Variants in RECQL observed in about 807,000 individuals in gnomAD.
RECQL encodes the protein RecQ like helicase, also known as ATP-dependent DNA helicase Q1.
RECQL carries 73 observed loss-of-function variants against 75.8 expected under a neutral mutation model. The observed-to-expected ratio is 0.96, with a 90% confidence interval of 0.80 to 1.17. The LOEUF is 1.17. Ranked by LOEUF, RECQL falls within the 50% of genes most tolerant of loss-of-function variation. RECQL has a pLI of 0.00. For synonymous variants in RECQL, 248 were observed against 254.4 expected, an observed-to-expected ratio of 0.97 and a Z score of 0.24; for missense variants, 699 against 772.1, an observed-to-expected ratio of 0.91 and a Z score of 1.12.
intron 2 of RECQL, among the ~76,000 whole-genome samples, chr12:21,493,240 T>C (rs1326918922): frequency 6.6e-6 from 1 of 152,198 alleles, no homozygotes; most frequent in African/African-American, 2.4e-5. Context: ...AAAGGGAACA[T>C]AACTATTCTA....
chr12:21,499,521 G>C, intron 2 of RECQL, 34 bp downstream of exon 2: 3 of 1,536,386 alleles, frequency 2.0e-6, no homozygotes, highest in Non-Finnish European at 2.6e-6. Flanking sequence ...AAATAGAACA[G>C]AAGGAAGAAG....
intron 1 of RECQL, among the ~76,000 whole-genome samples, chr12:21,499,945 A>G (rs1242722879): frequency 6.6e-6 from 1 of 152,230 alleles, no homozygotes; most frequent in African/African-American, 2.4e-5. Flanking sequence ...TGATGTAACA[A>G]AAAACAGCAA....
At position 21,474,846 on chromosome 12, in the gene RECQL, T is replaced by C; in HGVS notation, c.1350A>G (p.Ile450Met). The change falls in exon 11 of 15, where the codon ATA becomes ATG. Residue 450 changes from isoleucine to methionine, a missense_variant. This residue lies in a region of RECQL where 669 missense variants were observed against 713.5 expected (regional missense o/e 0.94). Transcript: ENST00000444129. ...LYEMVSYCQN[I>M]SKCRRVLMAQ... is the part of the protein sequence containing the mutation. ...TAAAAAGGTATGTGGCTTACTTGCT[T>C]ATGTTTTGACAGTATGATACCATCT... 6.2e-7 allele frequency: 1 copy of C among 1,612,426 alleles called. No homozygotes were observed. Among genetic ancestry groups the C allele is most frequent in the Non-Finnish European group, 8.5e-7 (1 of 1,178,780 alleles).
chr12:21,471,262 C>CT (rs959464763), intron 13 of RECQL, 164 bp from the exon 14 acceptor site: 26 of 989,504 alleles, frequency 2.6e-5, no homozygotes, highest in Non-Finnish European at 3.0e-5. Context: ...ATTTTCGTTA[C>CT]TTTTTTTTAT....
At position 21,478,032 on chromosome 12, in the gene RECQL, T is replaced by C. The variant is rs1356411001; in HGVS notation, c.701-63A>G. 6.8e-6 allele frequency: 10 copies of C among 1,472,128 alleles called. No homozygotes were observed. The East Asian group carries it at 1.8e-4, about 27-fold the overall frequency. The allele number at this position is 1,472,128 out of a possible 1,614,324, so 91.2% of individuals were successfully genotyped here. ...TAAGAGTTAGAGTAAATTATATCTT[T>C]TAACATTATGCAGATAATCGATGAC... is the stretch of plus-strand genomic sequence containing the variant. On this transcript the variant is annotated intron_variant, in intron 6 of 14. Transcript: ENST00000444129.
chr12:21,487,769 A>G (rs1415575322), intron 4 of RECQL, among the ~76,000 whole-genome samples: 1 of 152,112 alleles, frequency 6.6e-6, no homozygotes, highest in Non-Finnish European at 1.5e-5. Context: ...AGTGGGATTA[A>G]TGCCATTTTA....
chr12:21,471,400 A>G (rs1206592105), intron 13 of RECQL, 28 bp downstream of exon 13: 10 of 1,574,324 alleles, frequency 6.4e-6, no homozygotes, highest in Non-Finnish European at 8.7e-6. Flanking sequence ...AGACAACCTG[A>G]AAGAATAATG....
At chr12:21,500,998 G>A (rs1943601664) in intron 1 of RECQL, among the ~76,000 whole-genome samples, 172 bp downstream of exon 1, 1 of 152,170 alleles carries the variant, frequency 6.6e-6, no homozygotes, top group Non-Finnish European at 1.5e-5. Flanking sequence ...GAATGTTACA[G>A]GGTGACAGCC....
At chr12:21,496,564 G>A (rs923214951) in intron 2 of RECQL, among the ~76,000 whole-genome samples, 1 of 152,130 alleles carries the variant, frequency 6.6e-6, no homozygotes, top group Non-Finnish European at 1.5e-5. Context: ...CTGACCTGCT[G>A]AGCAAGAAGC....
At chr12:21,477,686 T>C in intron 7 of RECQL, 117 bp downstream of exon 7, 1 of 708,642 alleles carries the variant, frequency 1.4e-6, no homozygotes, top group Non-Finnish European at 2.2e-6. Context: ...AATTACCTCC[T>C]AATGTTAAAA....
At chr12:21,495,963 G>A (rs1943500049) in intron 2 of RECQL, among the ~76,000 whole-genome samples, 1 of 152,120 alleles carries the variant, frequency 6.6e-6, no homozygotes, top group African/African-American at 2.4e-5. Flanking sequence ...TTCAGCAAGT[G>A]GCAGAATCCA....
chr12:21,485,886 G>A (rs879592754), intron 5 of RECQL, among the ~76,000 whole-genome samples: 1 of 152,052 alleles, frequency 6.6e-6, no homozygotes, highest in Non-Finnish European at 1.5e-5. Flanking sequence ...GAATAGCTGG[G>A]AAATGCTTTA....
rs1942867718 is a variant in RECQL, at chr12:21,469,298, A to T, written c.*896T>A. 2 of 154,154 alleles carry T rather than the reference A, an allele frequency of 1.3e-5. No individual in the cohort carries two copies. Among genetic ancestry groups the T allele is most frequent in the South Asian group, 4.1e-4 (2 of 4,934 alleles). The allele number at this position is 154,154 out of a possible 1,614,324, so 9.5% of individuals were successfully genotyped here. On this transcript the variant is annotated 3_prime_UTR_variant, in exon 15 of 15. Coordinates refer to ENST00000444129, the MANE Select transcript of RECQL (RefSeq NM_002907.4). The stretch of plus-strand genomic sequence containing the variant: ...TGTCCAACTCTAGCCCACGGGTCTA[A>T]TGCAGCCCAGAACAGCTTTGAATGC...
At position 21,496,429 on chromosome 12, in the gene RECQL, C is replaced by G. The variant is rs576347057; in HGVS notation, c.16+3126G>C. On this transcript the variant is annotated intron_variant, in intron 2 of 14. Coordinates refer to ENST00000444129, the MANE Select transcript of RECQL (RefSeq NM_002907.4). ...GCAGTTTGCTGAGCCAGCAATGTAT[C>G]TTTATTCTCCCACCTCAGAGCTATA... Among the ~76,000 whole-genome samples the G allele has an allele frequency of 5.6e-4, 85 of 152,340 alleles. 1 individual carries two copies. Among genetic ancestry groups the G allele is most frequent in the Non-Finnish European group, 1.1e-3 (74 of 68,028 alleles).
intron 2 of RECQL, among the ~76,000 whole-genome samples, chr12:21,495,458 T>C (rs564822615): frequency 2.0e-5 from 3 of 151,832 alleles, no homozygotes; most frequent in East Asian, 3.9e-4. Context: ...TAGCCAGGCG[T>C]GGTGGCGGGC....
rs1065751 is a variant in RECQL at position 21,490,289 on chromosome 12, C to T, written c.304G>A (p.Val102Ile). The T allele has an allele frequency of 7.4e-3, 11,941 of 1,612,448 alleles. 695 individuals are homozygous for T. In the African/African-American group the frequency reaches 0.14, roughly 18 times the overall value. The part of the protein sequence containing the change: ...FRPLQLETIN[V>I]TMAGKEVFLV... ...AATACCTCCTTTCCAGCCATTGTTA[C>T]GTTAATAGTTTCAAGCTGAAGTGGT... Residue 102 changes from valine (V) to isoleucine (I), a missense_variant, in exon 4 of 15, where the codon GTA becomes ATA. Physicochemically the swap from Val to Ile is conservative, Grantham distance 29. Around this residue, in one of 2 missense-constraint regions of RECQL, gnomAD observed 669 missense variants for 713.5 expected, o/e 0.94. Coordinates refer to ENST00000444129, the MANE Select transcript of RECQL (RefSeq NM_002907.4).
chr12:21,471,838 C>T (rs185985255), intron 12 of RECQL, among the ~76,000 whole-genome samples, 191 bp from the exon 13 acceptor site: 1 of 152,034 alleles, frequency 6.6e-6, no homozygotes, highest in Non-Finnish European at 1.5e-5. Flanking sequence ...AAGTTATGGT[C>T]TCTGTAAGCA....
chr12:21,482,689 C>A (rs2137370535), intron 6 of RECQL, among the ~76,000 whole-genome samples: 1 of 152,216 alleles, frequency 6.6e-6, no homozygotes, highest in South Asian at 2.1e-4. Context: ...TATGTAGGGA[C>A]AGGAGCCTGG....
intron 13 of RECQL, 69 bp downstream of exon 13, chr12:21,471,359 T>C (rs2137314744): frequency 7.1e-7 from 1 of 1,408,358 alleles, no homozygotes; most frequent in East Asian, 2.4e-5. Flanking sequence ...AAACCGTTTA[T>C]TCTGTTGCAA....
Sources: allele counts gnomAD v4.1 joint callset (sites outside exome capture counted in the v4.1 genomes callset), GRCh38; gene constraint gnomAD v4.1.1; regional missense constraint gnomAD v4.1.1; transcripts MANE v1.5; gene names NCBI Gene and HGNC (gene_info 2026-07-23, HGNC 2026-07-21).